Variants in SRPK2 observed in about 807,000 individuals in gnomAD.
The protein encoded by SRPK2 is SFRS protein kinase 2.
Under a neutral mutation model 90.8 loss-of-function variants are expected in SRPK2, and 21 were observed. The ratio of observed to expected loss-of-function variants is 0.23; its 90% CI spans 0.16 to 0.33. SRPK2 has a LOEUF of 0.33. Among genes scored for constraint, SRPK2 ranks in the 10% least tolerant of loss-of-function variants. The pLI is 1.00. For missense variants in SRPK2, 620 were observed against 869.0 expected, an observed-to-expected ratio of 0.71 and a Z score of 3.60; for synonymous variants, 288 against 311.1, an observed-to-expected ratio of 0.93 and a Z score of 0.78.
chr7:105,290,760 C>T (rs1337912624), intron 2 of SRPK2, among the ~76,000 whole-genome samples: 4 of 152,064 alleles, frequency 2.6e-5, no homozygotes, highest in Non-Finnish European at 5.9e-5. Flanking sequence ...AAATGAAGGC[C>T]GGGCGCGGTG....
chr7:105,169,285 A>G lies in SRPK2; in HGVS notation c.230-20T>C. The G allele has an allele frequency of 6.3e-7, 1 of 1,590,032 alleles. No homozygotes were observed. The highest frequency in any genetic ancestry group is 8.6e-7 in the Non-Finnish European group (1 of 1,161,410). On this transcript the variant is annotated intron_variant, in intron 3 of 15. Transcript: ENST00000393651. ...ATCCACCTTAAAAAACAAGAAAGAA[A>G]GAAAAAAATTCAAAATATTCGAAAA...
chr7:105,125,912 C>A, intron 15 of SRPK2: 8 of 1,115,118 alleles, frequency 7.2e-6, no homozygotes, highest in Non-Finnish European at 7.3e-6. Flanking sequence ...CAGAAACACA[C>A]GACAGTTTAA....
At chr7:105,188,878 G>A in intron 3 of SRPK2, among the ~76,000 whole-genome samples, 1 of 152,154 alleles carries the variant, frequency 6.6e-6, no homozygotes, top group East Asian at 1.9e-4. Context: ...GAGAATTGGT[G>A]GATAGCCCCA....
rs1446779770 is a variant in SRPK2 at position 105,396,816 on chromosome 7, GAGAA to G, written n.153+2336_153+2339del. ...AAAGAGAAAGAGAAAGAAAGAAAGA[GAGAA>G]AGAGAGAGAGAGAGAGAAAGAAATA... On this transcript the variant is annotated intron_variant and non_coding_transcript_variant, in intron 1 of 3. Coordinates refer to the SRPK2 transcript ENST00000462282. 1.8e-4 allele frequency among the ~76,000 whole-genome samples: 17 copies of G among 92,436 alleles called. 1 individual carries two copies. The East Asian group carries it at 3.3e-3, about 18-fold the overall frequency. 60.6% of individuals were successfully genotyped at this position (92,436 alleles called of 152,430 possible). A position where few individuals can be genotyped will look rare whatever the true frequency, so the allele number is the denominator to read the frequency against.
intron 2 of SRPK2, among the ~76,000 whole-genome samples, chr7:105,298,585 C>T (rs1262796690): frequency 1.3e-5 from 2 of 152,130 alleles, no homozygotes; most frequent in Non-Finnish European, 2.9e-5. Context: ...TGAGGCCAGC[C>T]TGGGCAACAC....
rs561747894 is a variant in SRPK2 at position 105,339,875 on chromosome 7, T to C, written c.71+48773A>G. ...CTGTTTGAAACCAGCCTGGCCAACATGGTGAAACCCCATCTCTACTGAAAA... is the reference window on the plus strand; with the variant it reads ...CTGTTTGAAACCAGCCTGGCCAACACGGTGAAACCCCATCTCTACTGAAAA... On this transcript the variant is annotated intron_variant, in intron 2 of 15. Transcript: ENST00000393651. Among the ~76,000 whole-genome samples, 43 of 152,164 alleles carry C rather than the reference T, an allele frequency of 2.8e-4. No individual in the cohort carries two copies. In the South Asian group the frequency reaches 5.0e-3, roughly 18 times the overall value.
At chr7:105,214,194 A>G (rs1160951858) in intron 2 of SRPK2, among the ~76,000 whole-genome samples, 1 of 152,226 alleles carries the variant, frequency 6.6e-6, no homozygotes, top group African/African-American at 2.4e-5. Flanking sequence ...GTAATGCTGC[A>G]GGCTCTAGAT....
chr7:105,190,433 CT>C (rs1794133760), intron 3 of SRPK2, among the ~76,000 whole-genome samples: 2 of 152,176 alleles, frequency 1.3e-5, no homozygotes, highest in South Asian at 4.1e-4. Flanking sequence ...TCCTTTTCCT[CT>C]TGCATTCCAT....
intron 2 of SRPK2, 26 bp from the exon 3 acceptor site, chr7:105,203,811 A>G (rs919993858): frequency 6.4e-7 from 1 of 1,553,602 alleles, no homozygotes; most frequent in Middle Eastern, 1.7e-4. Flanking sequence ...GAAAATTGCT[A>G]TTTACTTAGA....
intron 2 of SRPK2, among the ~76,000 whole-genome samples, chr7:105,350,017 G>A (rs892907769): frequency 2.7e-5 from 4 of 150,590 alleles, no homozygotes; most frequent in Non-Finnish European, 6.0e-5. Context: ...GATTACAGGC[G>A]TGAGCCACTG....
At chr7:105,248,922 T>A (rs1319452107) in intron 2 of SRPK2, among the ~76,000 whole-genome samples, 1 of 146,294 alleles carries the variant, frequency 6.8e-6, no homozygotes, top group Admixed American at 6.9e-5. Flanking sequence ...CGAAGCTCCA[T>A]CTCAAAAAAA....
At chr7:105,299,921 T>C (rs1410228126) in intron 2 of SRPK2, among the ~76,000 whole-genome samples, 2 of 151,446 alleles carry the variant, frequency 1.3e-5, no homozygotes, top group Admixed American at 6.6e-5. Context: ...AAACAATACA[T>C]AGATCTAAAA....
chr7:105,239,365 G>C (rs934707714), intron 2 of SRPK2, among the ~76,000 whole-genome samples: 1 of 151,954 alleles, frequency 6.6e-6, no homozygotes, highest in Admixed American at 6.5e-5. Context: ...TATTAAGTCA[G>C]AAAAAAATGT....
At chr7:105,383,836 T>G (rs909556004) in intron 2 of SRPK2, among the ~76,000 whole-genome samples, 1 of 152,212 alleles carries the variant, frequency 6.6e-6, no homozygotes, top group Non-Finnish European at 1.5e-5. Context: ...GGATGAACCT[T>G]GAAAACATTG....
chr7:105,178,592 G>C (rs934800269), intron 3 of SRPK2, among the ~76,000 whole-genome samples: 1 of 152,026 alleles, frequency 6.6e-6, no homozygotes, highest in African/African-American at 2.4e-5. Context: ...CATGAGGCAG[G>C]AGGATCACTT....
At position 105,330,364 on chromosome 7, in the gene SRPK2, A is replaced by ATT. The variant is rs1814163790; in HGVS notation, c.71+58283_71+58284insAA. 2.9e-4 allele frequency among the ~76,000 whole-genome samples: 44 copies of ATT among 151,398 alleles called. 1 individual carries two copies. The South Asian group carries it at 9.0e-3, about 31-fold the overall frequency. On this transcript the variant is annotated intron_variant, in intron 2 of 15. Transcript: ENST00000393651. ...AAATAAATAAATAAATAAAAATAAA[A>ATT]TAAAATATAAAAAATAAAAATAAAA...
chr7:105,204,829 T>C, intron 2 of SRPK2: 1 of 490,192 alleles, frequency 2.0e-6, no homozygotes, highest in South Asian at 1.7e-5. Flanking sequence ...GGTATAGCCG[T>C]TGTCAATGAA....
chr7:105,194,341 C>T (rs1794657325), intron 3 of SRPK2, among the ~76,000 whole-genome samples: 1 of 152,024 alleles, frequency 6.6e-6, no homozygotes, highest in African/African-American at 2.4e-5. Context: ...TTCTATTCAA[C>T]CTCATGCATA....
intron 2 of SRPK2, among the ~76,000 whole-genome samples, chr7:105,322,691 A>C (rs951319163): frequency 6.6e-6 from 1 of 152,052 alleles, no homozygotes; most frequent in Admixed American, 6.5e-5. Context: ...ATTAAATGCC[A>C]CTGAACTGTT....
Sources: gnomAD v4.1 joint callset for allele counts (sites outside exome capture counted in the v4.1 genomes callset) on GRCh38, gnomAD v4.1.1 for gene constraint, MANE v1.5 for transcripts, NCBI Gene and HGNC (gene_info 2026-07-23, HGNC 2026-07-21) for gene names.